Variants in TPD52L1 observed in about 807,000 individuals in gnomAD.
TPD52L1 encodes the protein TPD52 like 1.
Under a neutral mutation model 28.7 loss-of-function variants are expected in TPD52L1, and 18 were observed. The ratio of observed to expected loss-of-function variants is 0.63; its 90% CI spans 0.43 to 0.93. TPD52L1 has a LOEUF of 0.93. TPD52L1 is among the 40% of genes least tolerant of loss of function. TPD52L1 has a pLI of 0.00. For synonymous variants in TPD52L1, 75 were observed against 88.8 expected (o/e 0.84, Z 0.88); for missense variants, 203 against 254.8 (o/e 0.80, Z 1.39).
intron 1 of TPD52L1, among the ~76,000 whole-genome samples, chr6:125,206,253 C>A (rs1409197594): frequency 3.9e-5 from 6 of 152,082 alleles, no homozygotes; most frequent in African/African-American, 1.4e-4. Context: ...ATATTTTCTT[C>A]ATAAAGTGTT....
chr6:125,251,221 C>T (rs1011354913), intron 4 of TPD52L1, among the ~76,000 whole-genome samples: 2 of 151,946 alleles, frequency 1.3e-5, no homozygotes, highest in African/African-American at 4.8e-5. Flanking sequence ...GGTCACAGAC[C>T]TTTTATTTTA....
intron 1 of TPD52L1, among the ~76,000 whole-genome samples, chr6:125,175,500 G>A (rs1791768378): frequency 6.6e-6 from 1 of 152,142 alleles, no homozygotes; most frequent in Admixed American, 6.6e-5. Context: ...GTCCAAGTGT[G>A]TCAACATAAA....
intron 6 of TPD52L1, chr6:125,260,956 GAAAGAAAGAAAGAAAGAAAGAAAAGAAA>G (rs1797919153): frequency 2.3e-5 from 1 of 42,750 alleles, no homozygotes; most frequent in African/African-American, 2.3e-4. Flanking sequence ...AAGAAAGAAA[GAAAGAAAGAAAGAAAGAAAGAAAAGAAA>G]AGAAAGAAAG....
intron 2 of TPD52L1, among the ~76,000 whole-genome samples, chr6:125,228,721 A>T (rs56319536): frequency 0.06 from 9,199 of 152,278 alleles, 501 homozygotes; most frequent in East Asian, 0.31. Context: ...GTTATATAAA[A>T]TAAGGGTACA....
chr6:125,186,464 T>C (rs1391271019), intron 1 of TPD52L1, among the ~76,000 whole-genome samples: 1 of 152,148 alleles, frequency 6.6e-6, no homozygotes, highest in Non-Finnish European at 1.5e-5. Flanking sequence ...AAATATAAAC[T>C]ACCAAAATTG....
At chr6:125,168,822 A>T in intron 1 of TPD52L1, among the ~76,000 whole-genome samples, 1 of 151,920 alleles carries the variant, frequency 6.6e-6, no homozygotes, top group Non-Finnish European at 1.5e-5. Context: ...TGTTCTTTTT[A>T]TCCCTTCTCC....
At chr6:125,230,834 G>A (rs1562336713) in intron 3 of TPD52L1, among the ~76,000 whole-genome samples, 1 of 152,158 alleles carries the variant, frequency 6.6e-6, no homozygotes, top group East Asian at 1.9e-4. Flanking sequence ...GCAGAATGTA[G>A]CCAGGGAGCT....
intron 1 of TPD52L1, among the ~76,000 whole-genome samples, chr6:125,163,166 C>T (rs576324956): frequency 1.3e-5 from 2 of 152,300 alleles, no homozygotes; most frequent in African/African-American, 4.8e-5. Context: ...AATGAGAGGA[C>T]ATATTTCCAT....
chr6:125,174,111 G>T (rs1401102346), intron 1 of TPD52L1, among the ~76,000 whole-genome samples: 1 of 152,144 alleles, frequency 6.6e-6, no homozygotes, highest in Non-Finnish European at 1.5e-5. Flanking sequence ...TGATTGAGTG[G>T]CATGATGCAG....
intron 4 of TPD52L1, chr6:125,253,426 G>T (rs999941330): frequency 2.7e-5 from 12 of 442,506 alleles, no homozygotes; most frequent in Non-Finnish European, 4.0e-5. Flanking sequence ...TGGGCTACTG[G>T]GCTCACCTGG....
intron 3 of TPD52L1, among the ~76,000 whole-genome samples, chr6:125,241,799 C>G (rs1468487297): frequency 6.7e-6 from 1 of 148,208 alleles, no homozygotes; most frequent in African/African-American, 2.5e-5. Flanking sequence ...ACTTTTATAT[C>G]TTTTTTTTGT....
chr6:125,229,358 G>A (rs921046216), intron 3 of TPD52L1, 92 bp downstream of exon 3: 3 of 1,295,620 alleles, frequency 2.3e-6, no homozygotes, highest in Non-Finnish European at 3.1e-6. Flanking sequence ...AGGCTGATTT[G>A]GTGCATGAAG....
intron 4 of TPD52L1, among the ~76,000 whole-genome samples, chr6:125,251,217 A>C (rs2115043873): frequency 6.6e-6 from 1 of 152,314 alleles, no homozygotes; most frequent in Non-Finnish European, 1.5e-5. Flanking sequence ...ATTTGGTCAC[A>C]GACCTTTTAT....
intron 3 of TPD52L1, among the ~76,000 whole-genome samples, chr6:125,234,608 G>A (rs1021737863): frequency 1.3e-5 from 2 of 152,160 alleles, no homozygotes; most frequent in South Asian, 2.1e-4. Flanking sequence ...TAAAGTAAGA[G>A]ACCTAGCAAT....
At chr6:125,251,628 T>C (rs987089781) in intron 4 of TPD52L1, among the ~76,000 whole-genome samples, 43 of 152,184 alleles carry the variant, frequency 2.8e-4, no homozygotes, top group Non-Finnish European at 8.8e-5. Flanking sequence ...ATATTTCCTG[T>C]GAAGTTAAAA....
chr6:125,176,431 A>G (rs777563345), intron 1 of TPD52L1, among the ~76,000 whole-genome samples: 13 of 152,150 alleles, frequency 8.5e-5, no homozygotes, highest in Non-Finnish European at 1.5e-4. Context: ...TTCATCTCCA[A>G]ATTTCAGTGG....
At chr6:125,204,267 G>A (rs894965358) in intron 1 of TPD52L1, among the ~76,000 whole-genome samples, 27 of 152,112 alleles carry the variant, frequency 1.8e-4, no homozygotes, top group Admixed American at 1.1e-3. Context: ...CTAGACCCTG[G>A]CTTAATGTAG....
At chr6:125,165,462 T>C (rs190236605) in intron 1 of TPD52L1, among the ~76,000 whole-genome samples, 5 of 152,202 alleles carry the variant, frequency 3.3e-5, no homozygotes, top group Non-Finnish European at 4.4e-5. Context: ...GGAAGTGAAG[T>C]TCCCAGAATA....
At chr6:125,160,822 A>C (rs1333345458) in intron 1 of TPD52L1, among the ~76,000 whole-genome samples, 2 of 148,018 alleles carry the variant, frequency 1.4e-5, no homozygotes, top group African/African-American at 2.5e-5. Flanking sequence ...TTGCTGCTTC[A>C]CCTTGCACTT....
Sources: allele counts gnomAD v4.1 joint callset (sites outside exome capture counted in the v4.1 genomes callset), GRCh38; gene constraint gnomAD v4.1.1; transcripts MANE v1.5; gene names NCBI Gene and HGNC (gene_info 2026-07-23, HGNC 2026-07-21).